The following CUX2 variants were observed in gnomAD, a reference collection of about 807,000 sequenced individuals.
The protein encoded by CUX2 is cut like homeobox 2, also known as homeobox protein cut-like 2.
CUX2 carries 40 observed loss-of-function variants against 144.8 expected under a neutral mutation model. The ratio of observed to expected loss-of-function variants is 0.28; its 90% CI spans 0.21 to 0.36. The LOEUF (loss-of-function observed/expected upper bound fraction) is 0.36, where lower values mean the gene tolerates loss of function less well. Among genes scored for constraint, CUX2 ranks in the 10% least tolerant of loss-of-function variants. The pLI is 1.00. For synonymous variants in CUX2, 827 were observed against 875.6 expected (o/e 0.94, Z 0.98); for missense variants, 1,615 against 1,994.0 (o/e 0.81, Z 3.62).
chr12:111,301,381 T>G (rs1019532126), intron 9 of CUX2, among the ~76,000 whole-genome samples: 25 of 152,178 alleles, frequency 1.6e-4, no homozygotes, highest in African/African-American at 5.5e-4. Flanking sequence ...TAGGTGGTTA[T>G]GTAGGAGAGG....
At chr12:111,099,198 C>A (rs896412129) in intron 1 of CUX2, among the ~76,000 whole-genome samples, 11 of 152,180 alleles carry the variant, frequency 7.2e-5, no homozygotes, top group African/African-American at 2.7e-4. Context: ...AGGTCCTGCC[C>A]CAGCAGAGGC....
At chr12:111,276,627 T>G (rs546971201) in intron 4 of CUX2, among the ~76,000 whole-genome samples, 1 of 151,206 alleles carries the variant, frequency 6.6e-6, no homozygotes, top group Admixed American at 6.6e-5. Context: ...GTTGTTTCCT[T>G]TTTGTTTGTT....
intron 1 of CUX2, among the ~76,000 whole-genome samples, chr12:111,075,350 CAGACTTATAAATTTATTA>C (rs1871473644): frequency 6.6e-6 from 1 of 152,114 alleles, no homozygotes; most frequent in African/African-American, 2.4e-5. Context: ...AGAGGGGCTT[CAGACTTATAAATTTATTA>C]TTTAAGGGAG....
At position 111,348,335 on chromosome 12, in the gene CUX2, G is replaced by A. The variant is rs1565939831; in HGVS notation, c.*10G>A. On this transcript the variant is annotated 3_prime_UTR_variant, in exon 22 of 22. Coordinates refer to ENST00000261726, the MANE Select transcript of CUX2 (RefSeq NM_015267.4). Reference sequence around the variant, plus strand: ...GGAGTGGGAGTTCTGAAGGCAGGGTGAGGGGGCAAGGGACATACCCTGGTA... The same window carrying A: ...GGAGTGGGAGTTCTGAAGGCAGGGTAAGGGGGCAAGGGACATACCCTGGTA... 1 of 1,603,528 alleles carries A rather than the reference G, an allele frequency of 6.2e-7. No homozygotes were observed. Among genetic ancestry groups the A allele is most frequent in the Non-Finnish European group, 8.5e-7 (1 of 1,174,206 alleles).
In CUX2 at chr12:111,320,665, G is replaced by A. The variant is rs1319480038; in HGVS notation, c.2656G>A (p.Glu886Lys). 12 of 1,597,100 alleles carry A rather than the reference G, an allele frequency of 7.5e-6. No individual in the cohort carries two copies. Among genetic ancestry groups the A allele is most frequent in the Admixed American group, 1.7e-5 (1 of 59,892 alleles). Residue 886 changes from glutamate (E) to lysine (K), a missense_variant, in exon 17 of 22, where the codon GAG becomes AAG. Glu to Lys is a moderately conservative substitution (Grantham distance 56, BLOSUM62 1). Transcript: ENST00000261726. This position sits in a 1 kb window ranked among gnomAD's most constrained non-coding sequence, Gnocchi z 8.1. Reference protein sequence around the residue: ...LKPTVPPLTPEQYELYMYREV... With the variant: ...LKPTVPPLTPKQYELYMYREV... ...GCCCACCGTGCCGCCGCTGACCCCC[G>A]AGCAGTACGAGCTGTACATGTACCG...
At chr12:111,174,761 G>A (rs189131530) in intron 1 of CUX2, among the ~76,000 whole-genome samples, 7 of 152,338 alleles carry the variant, frequency 4.6e-5, no homozygotes, top group Admixed American at 3.3e-4. Context: ...ATCACCACCC[G>A]TGAACCCTAG....
chr12:111,288,172 G>A (rs376857199), intron 4 of CUX2, among the ~76,000 whole-genome samples: 1 of 152,152 alleles, frequency 6.6e-6, no homozygotes, highest in East Asian at 1.9e-4. Context: ...TAGCTGAAAG[G>A]GGTAGGTCAG....
intron 1 of CUX2, among the ~76,000 whole-genome samples, chr12:111,050,780 C>T (rs902419066): frequency 6.6e-6 from 1 of 152,220 alleles, no homozygotes. Context: ...GGCTTCTCCA[C>T]TCTTTTGACC....
chr12:111,120,151 G>GA (rs1874558677), intron 1 of CUX2, among the ~76,000 whole-genome samples: 1 of 152,096 alleles, frequency 6.6e-6, no homozygotes, highest in African/African-American at 2.4e-5. Flanking sequence ...TCATGATATT[G>GA]AAGTCACTCT....
At position 111,152,328 on chromosome 12, in the gene CUX2, CA is replaced by C. The variant is rs146668386; in HGVS notation, c.64-61868del. ...AAATAAATAAATAAAAAGAAAGGCT[CA>C]AAACCTCACAGCCCTGGCTGGTAGT... On this transcript the variant is annotated intron_variant, in intron 1 of 21. Coordinates refer to ENST00000261726, the MANE Select transcript of CUX2 (RefSeq NM_015267.4). Among the ~76,000 whole-genome samples, 453 of 152,092 alleles carry C rather than the reference CA, an allele frequency of 3.0e-3. 2 individuals are homozygous for C. The highest frequency in any genetic ancestry group is 0.011 in the African/African-American group (441 of 41,492).
chr12:111,168,516 C>T (rs374957088), intron 1 of CUX2, among the ~76,000 whole-genome samples: 7 of 152,206 alleles, frequency 4.6e-5, no homozygotes, highest in East Asian at 3.9e-4. Context: ...CTCGTCCCGT[C>T]GGTCAAGGGT....
intron 12 of CUX2, 43 bp from the exon 13 acceptor site, chr12:111,308,242 C>G: frequency 6.2e-7 from 1 of 1,612,576 alleles, no homozygotes; most frequent in African/African-American, 1.3e-5. Context: ...TCCTCCAGCC[C>G]GGGGGCTGGC....
intron 1 of CUX2, among the ~76,000 whole-genome samples, chr12:111,181,340 G>C (rs759128153): frequency 1.3e-4 from 20 of 152,384 alleles, no homozygotes; most frequent in Middle Eastern, 3.4e-3. Context: ...GGGAAGCCAA[G>C]GTGAGGCTGT....
Position 111,347,529 on chromosome 12 carries a change from G to A in CUX2, c.3665G>A (p.Arg1222Gln), listed in dbSNP as rs755456515. The A allele has an allele frequency of 5.7e-6, 9 of 1,591,586 alleles. No individual in the cohort carries two copies. Among genetic ancestry groups the A allele is most frequent in the Admixed American group, 1.7e-5 (1 of 57,584 alleles). The change falls in exon 22 of 22, where the codon CGG becomes CAG. Residue 1222 changes from arginine (R) to glutamine (Q), a missense_variant. Arg to Gln is a conservative substitution (Grantham distance 43). This residue lies in a region of CUX2 where 131 missense variants were observed against 223.1 expected (regional missense o/e 0.59). Coordinates refer to ENST00000261726, the MANE Select transcript of CUX2 (RefSeq NM_015267.4). ...VINWFHNYRS[R>Q]MRREMLVEGT... ...CACCGCCGTCTCTGCCCCAGGTCCCGGATGCGCCGGGAGATGTTGGTGGAG... is the reference window on the plus strand; with the variant it reads ...CACCGCCGTCTCTGCCCCAGGTCCCAGATGCGCCGGGAGATGTTGGTGGAG...
chr12:111,046,243 C>G (rs1735944726), intron 1 of CUX2, among the ~76,000 whole-genome samples: 1 of 152,258 alleles, frequency 6.6e-6, no homozygotes, highest in Non-Finnish European at 1.5e-5. Flanking sequence ...CTTAGCAAGG[C>G]TGGGCCTGGC....
rs930352886 is a variant in CUX2 at position 111,263,675 on chromosome 12, T to C, written c.223-86T>C. ...CAAAACAAAAAACCTGCAGATGTTT[T>C]CTTGTGGAAAAAAAAAATGATGAAA... On this transcript the variant is annotated intron_variant, in intron 3 of 21. Coordinates refer to ENST00000261726, the MANE Select transcript of CUX2 (RefSeq NM_015267.4). This position sits in a 1 kb window ranked among gnomAD's most constrained non-coding sequence, Gnocchi z 4.0. The C allele has an allele frequency of 9.3e-7, 1 of 1,080,390 alleles. No homozygotes were observed. 66.9% of individuals were successfully genotyped at this position (1,080,390 alleles called of 1,614,324 possible). A position where few individuals can be genotyped will look rare whatever the true frequency, so the allele number is the denominator to read the frequency against.
chr12:111,075,369 T>C (rs1438607605), intron 1 of CUX2, among the ~76,000 whole-genome samples: 1 of 152,086 alleles, frequency 6.6e-6, no homozygotes, highest in Admixed American at 6.5e-5. Context: ...AAATTTATTA[T>C]TTAAGGGAGG....
intron 1 of CUX2, among the ~76,000 whole-genome samples, chr12:111,167,852 G>A (rs1011787271): frequency 3.3e-5 from 5 of 151,928 alleles, no homozygotes; most frequent in Admixed American, 2.0e-4. Flanking sequence ...ACGCCACCAC[G>A]CCCAGCTAAT....
intron 9 of CUX2, among the ~76,000 whole-genome samples, chr12:111,301,191 T>G (rs574502055): frequency 6.6e-6 from 1 of 152,308 alleles, no homozygotes; most frequent in East Asian, 1.9e-4. Flanking sequence ...ATCTCTGTAT[T>G]TATTAATACT....
Sources: allele counts gnomAD v4.1 joint callset (sites outside exome capture counted in the v4.1 genomes callset), GRCh38; gene constraint gnomAD v4.1.1; regional missense constraint gnomAD v4.1.1; non-coding constraint Gnocchi (gnomAD v3.1); transcripts MANE v1.5; gene names NCBI Gene and HGNC (gene_info 2026-07-23, HGNC 2026-07-21).